The following SPRED2 variants were observed in gnomAD, a reference collection of about 807,000 sequenced individuals.
SPRED2 encodes the protein sprouty-related, EVH1 domain-containing protein 2.
A neutral mutation model predicts 43.0 loss-of-function variants in SPRED2; 47 were observed. The ratio of observed to expected loss-of-function variants is 1.09; its 90% CI spans 0.87 to 1.40. The LOEUF (loss-of-function observed/expected upper bound fraction) is 1.40, where lower values mean the gene tolerates loss of function less well. Ranked by LOEUF, SPRED2 falls within the 40% of genes most tolerant of loss-of-function variation. The probability of loss-of-function intolerance (pLI) is 0.00; values close to 1 mark genes in which losing one functional copy is unlikely to be tolerated. For missense variants in SPRED2, 561 were observed against 586.4 expected (o/e 0.96, Z 0.45); for synonymous variants, 225 against 225.7 (o/e 1.00, Z 0.03).
intron 1 of SPRED2, among the ~76,000 whole-genome samples, chr2:65,412,830 G>A (rs930050861): frequency 3.3e-5 from 5 of 152,212 alleles, no homozygotes. Context: ...TCCACAGGAA[G>A]ATGGATTTGA....
intron 1 of SPRED2, among the ~76,000 whole-genome samples, chr2:65,411,694 G>A (rs1194826529): frequency 2.0e-5 from 3 of 152,088 alleles, no homozygotes; most frequent in Non-Finnish European, 4.4e-5. Flanking sequence ...TGACTTGTTG[G>A]GTAAATATGT....
intron 1 of SPRED2, among the ~76,000 whole-genome samples, chr2:65,361,719 A>G (rs543922619): frequency 6.6e-6 from 1 of 152,106 alleles, no homozygotes; most frequent in South Asian, 2.1e-4. Flanking sequence ...GGGCTGTTTT[A>G]TTTTTCTTTG....
intron 1 of SPRED2, among the ~76,000 whole-genome samples, chr2:65,416,825 A>G (rs1277201920): frequency 6.6e-6 from 1 of 152,154 alleles, no homozygotes; most frequent in East Asian, 1.9e-4. Flanking sequence ...ATTCTGTCTC[A>G]AGCCTAGGTT....
Position 65,311,966 on chromosome 2 carries a change from GC to G in SPRED2, c.*1534del. The G allele has an allele frequency of 1.0e-6, 1 of 985,378 alleles. No individual in the cohort carries two copies. The highest frequency in any genetic ancestry group is 1.2e-6 in the Non-Finnish European group (1 of 829,946). The allele number at this position is 985,378 out of a possible 1,614,324, so 61.0% of individuals were successfully genotyped here. A position where few individuals can be genotyped will look rare whatever the true frequency, so the allele number is the denominator to read the frequency against. On this transcript the variant is annotated 3_prime_UTR_variant, in exon 6 of 6. Coordinates refer to ENST00000356388, the MANE Select transcript of SPRED2 (RefSeq NM_181784.3). Reference sequence around the variant, plus strand: ...GGGGAGCAGGCCATGTCTTCTGCTGGCCGCTACCACAGAAAGATCGTGGCGG... The same window carrying G: ...GGGGAGCAGGCCATGTCTTCTGCTGGCGCTACCACAGAAAGATCGTGGCGG...
At chr2:65,363,188 G>T (rs888804816) in intron 1 of SPRED2, among the ~76,000 whole-genome samples, 5 of 141,980 alleles carry the variant, frequency 3.5e-5, no homozygotes, top group African/African-American at 1.3e-4. Context: ...GCAGTGAGCC[G>T]AGATTGTGCC....
intron 1 of SPRED2, among the ~76,000 whole-genome samples, chr2:65,346,729 T>C (rs1434047947): frequency 6.6e-6 from 1 of 152,150 alleles, no homozygotes; most frequent in Non-Finnish European, 1.5e-5. Flanking sequence ...GTATGGTGCT[T>C]GCCACTGCTG....
chr2:65,414,261 C>G (rs566021817), intron 1 of SPRED2, among the ~76,000 whole-genome samples: 1 of 152,312 alleles, frequency 6.6e-6, no homozygotes, highest in African/African-American at 2.4e-5. Flanking sequence ...TGTCCCTTCT[C>G]CAAATAGGGG....
At chr2:65,392,282 C>T (rs1453973637) in intron 1 of SPRED2, among the ~76,000 whole-genome samples, 5 of 149,792 alleles carry the variant, frequency 3.3e-5, no homozygotes, top group Admixed American at 1.3e-4. Context: ...TGGGCTCAAG[C>T]GATCCTCCCA....
chr2:65,341,070 TGA>T (rs138303377), intron 2 of SPRED2, among the ~76,000 whole-genome samples: 6,948 of 139,046 alleles, frequency 0.05, 270 homozygotes, highest in Middle Eastern at 0.13. Context: ...GGGAGGGCAG[TGA>T]GAGAGAGAGA....
chr2:65,342,049 A>G lies in SPRED2; in HGVS notation c.204+2670T>C, dbSNP rs1474864212. Among the ~76,000 whole-genome samples the G allele has an allele frequency of 1.6e-4, 24 of 151,840 alleles. No individual in the cohort carries two copies. In the East Asian group the frequency reaches 4.6e-3, roughly 29 times the overall value. ...GAAGGAGAAAAATAAGGCCCTGATA[A>G]GTAAATATACAAAGGACATCAACAG... On this transcript the variant is annotated intron_variant, in intron 2 of 5. Coordinates refer to ENST00000356388, the MANE Select transcript of SPRED2 (RefSeq NM_181784.3).
At chr2:65,390,090 G>A (rs1043533958) in intron 1 of SPRED2, among the ~76,000 whole-genome samples, 3 of 152,156 alleles carry the variant, frequency 2.0e-5, no homozygotes, top group South Asian at 2.1e-4. Context: ...GAACCCTCAC[G>A]GAAGCTTGTG....
intron 1 of SPRED2, among the ~76,000 whole-genome samples, chr2:65,348,010 C>T (rs1464927314): frequency 1.3e-5 from 2 of 152,124 alleles, no homozygotes; most frequent in African/African-American, 4.8e-5. Context: ...GATCATTCTA[C>T]TGAAACAAAC....
At chr2:65,411,695 G>A (rs1318139153) in intron 1 of SPRED2, among the ~76,000 whole-genome samples, 2 of 152,154 alleles carry the variant, frequency 1.3e-5, no homozygotes, top group African/African-American at 2.4e-5. Context: ...GACTTGTTGG[G>A]TAAATATGTC....
intron 1 of SPRED2, among the ~76,000 whole-genome samples, chr2:65,381,066 C>T (rs1165978741): frequency 6.6e-6 from 1 of 152,300 alleles, no homozygotes; most frequent in East Asian, 1.9e-4. Flanking sequence ...GTAGCCCAAC[C>T]TATGAAGCCA....
chr2:65,428,704 G>C (rs895780924), intron 1 of SPRED2, among the ~76,000 whole-genome samples: 1 of 152,184 alleles, frequency 6.6e-6, no homozygotes, highest in Non-Finnish European at 1.5e-5. Flanking sequence ...GCAAGAAGTG[G>C]GTTACAGAGA....
At chr2:65,426,548 G>C (rs1489293930) in intron 1 of SPRED2, among the ~76,000 whole-genome samples, 1 of 152,154 alleles carries the variant, frequency 6.6e-6, no homozygotes, top group African/African-American at 2.4e-5. Flanking sequence ...AATAATAATT[G>C]CCATGTAATG....
At chr2:65,342,752 G>A (rs947850269) in intron 2 of SPRED2, among the ~76,000 whole-genome samples, 3 of 152,130 alleles carry the variant, frequency 2.0e-5, no homozygotes, top group African/African-American at 7.2e-5. Context: ...AGAATGTTAG[G>A]GCAATGTTGT....
chr2:65,318,853 GC>G lies in SPRED2; in HGVS notation c.439-1971del, dbSNP rs375038038. On this transcript the variant is annotated intron_variant, in intron 4 of 5. Coordinates refer to ENST00000356388, the MANE Select transcript of SPRED2 (RefSeq NM_181784.3). ...GTAGAGACGGGGGTCTTGCCAAGTT[GC>G]CCAGGCTGGTCTTGAACTCCTGGGC... 2.1e-3 allele frequency among the ~76,000 whole-genome samples: 319 copies of G among 152,138 alleles called. 1 individual carries two copies. The highest frequency in any genetic ancestry group is 0.01 in the Middle Eastern group (3 of 294).
Position 65,312,574 on chromosome 2 carries a change from A to G in SPRED2, c.*927T>C. Reference sequence around the variant, plus strand: ...CTATTTGGTTTGCAAAACAACAAGCAAAATTTCTTACTTCACTAGTATCCT... The same window carrying G: ...CTATTTGGTTTGCAAAACAACAAGCGAAATTTCTTACTTCACTAGTATCCT... On this transcript the variant is annotated 3_prime_UTR_variant, in exon 6 of 6. Transcript: ENST00000356388. 1 of 985,732 alleles carries G rather than the reference A, an allele frequency of 1.0e-6. No individual in the cohort carries two copies. Among genetic ancestry groups the G allele is most frequent in the Non-Finnish European group, 1.2e-6 (1 of 829,944 alleles). The allele number at this position is 985,732 out of a possible 1,614,324, so 61.1% of individuals were successfully genotyped here. A position where few individuals can be genotyped will look rare whatever the true frequency, so the allele number is the denominator to read the frequency against.
Sources: allele counts gnomAD v4.1 joint callset (sites outside exome capture counted in the v4.1 genomes callset), GRCh38; gene constraint gnomAD v4.1.1; transcripts MANE v1.5; gene names NCBI Gene and HGNC (gene_info 2026-07-23, HGNC 2026-07-21).